Variants in RPTOR observed in about 807,000 individuals in gnomAD.
RPTOR encodes the protein regulatory-associated protein of mTOR.
In RPTOR, 21 loss-of-function variants were observed where a neutral mutation model predicts 169.9. The ratio of observed to expected loss-of-function variants is 0.12; its 90% CI spans 0.09 to 0.18. RPTOR has a LOEUF of 0.18. Ranked by LOEUF, RPTOR falls within the 10% of genes least tolerant of loss-of-function variation. RPTOR has a pLI of 1.00. For synonymous variants in RPTOR, 732 were observed against 753.2 expected (o/e 0.97, Z 0.46); for missense variants, 1,133 against 1,855.9 (o/e 0.61, Z 7.16).
intron 3 of RPTOR, among the ~76,000 whole-genome samples, chr17:80,688,108 A>G (rs1025255891): frequency 3.3e-5 from 5 of 152,190 alleles, no homozygotes; most frequent in African/African-American, 1.2e-4. Flanking sequence ...GGATGCTTTT[A>G]TTGATAAGTA....
intron 11 of RPTOR, among the ~76,000 whole-genome samples, chr17:80,847,175 A>G (rs939502839): frequency 4.6e-5 from 7 of 152,262 alleles, no homozygotes; most frequent in African/African-American, 2.4e-5. Context: ...TGCTGTAACA[A>G]ATAGGCCCTT....
intron 9 of RPTOR, among the ~76,000 whole-genome samples, chr17:80,836,076 G>A (rs535971112): frequency 2.0e-4 from 31 of 152,102 alleles, no homozygotes; most frequent in Non-Finnish European, 3.8e-4. Context: ...AGAGCCACGC[G>A]CCCAGAGCCC....
chr17:80,683,817 C>T (rs562552215), intron 3 of RPTOR, among the ~76,000 whole-genome samples: 13 of 152,266 alleles, frequency 8.5e-5, no homozygotes, highest in South Asian at 8.3e-4. Flanking sequence ...CTTTCAGGCA[C>T]GACAAGGTGG....
At chr17:80,683,885 G>A (rs1598218511) in intron 3 of RPTOR, among the ~76,000 whole-genome samples, 1 of 152,128 alleles carries the variant, frequency 6.6e-6, no homozygotes, top group East Asian at 1.9e-4. Flanking sequence ...CGTTTCCAAG[G>A]AGCCCTGGTT....
At chr17:80,554,661 G>A (rs537795155) in intron 1 of RPTOR, among the ~76,000 whole-genome samples, 34 of 152,044 alleles carry the variant, frequency 2.2e-4, no homozygotes, top group African/African-American at 5.8e-4. Context: ...GGAGAATGGC[G>A]TGAACCCGGG....
At chr17:80,902,498 G>A (rs997354606) in intron 20 of RPTOR, among the ~76,000 whole-genome samples, 8 of 152,218 alleles carry the variant, frequency 5.3e-5, no homozygotes, top group South Asian at 2.1e-4. Context: ...GCATGATGTC[G>A]CCATTTTTAC....
At chr17:80,683,316 G>T (rs1482147859) in intron 3 of RPTOR, among the ~76,000 whole-genome samples, 1 of 152,198 alleles carries the variant, frequency 6.6e-6, no homozygotes, top group Non-Finnish European at 1.5e-5. Context: ...CAAGAGCAGG[G>T]CAAGCATCTG....
At chr17:80,774,379 C>A (rs1388743153) in intron 6 of RPTOR, 1 of 980,938 alleles carries the variant, frequency 1.0e-6, no homozygotes, top group Non-Finnish European at 1.2e-6. Context: ...AGAGTATTCT[C>A]CCTTATGGTG....
intron 11 of RPTOR, among the ~76,000 whole-genome samples, chr17:80,847,120 G>A (rs2067740738): frequency 6.6e-6 from 1 of 152,274 alleles, no homozygotes; most frequent in South Asian, 2.1e-4. Flanking sequence ...AGCACACACA[G>A]ATCCGGAAGC....
rs1410889508 is a variant in RPTOR at position 80,581,072 on chromosome 17, GT to G, written c.162+35282del. On this transcript the variant is annotated intron_variant, in intron 1 of 33. Coordinates refer to ENST00000306801, the MANE Select transcript of RPTOR (RefSeq NM_020761.3). Reference sequence around the variant, plus strand: ...CCTTTCCTATTCATCATTTTCGTCAGTGTGTTGGATACAGATTTGGAAGGCG... The same window carrying G: ...CCTTTCCTATTCATCATTTTCGTCAGGTGTTGGATACAGATTTGGAAGGCG... 2.0e-5 allele frequency among the ~76,000 whole-genome samples: 3 copies of G among 152,204 alleles called. 1 individual carries two copies. The highest frequency in any genetic ancestry group is 1.3e-4 in the Admixed American group (2 of 15,282).
chr17:80,953,107 C>T (rs937891241), intron 28 of RPTOR, among the ~76,000 whole-genome samples: 1 of 152,070 alleles, frequency 6.6e-6, no homozygotes, highest in African/African-American at 2.4e-5. Flanking sequence ...TCAGGTGATC[C>T]TCCCACCTTG....
At chr17:80,889,913 G>A (rs1303327764) in intron 17 of RPTOR, among the ~76,000 whole-genome samples, 1 of 121,260 alleles carries the variant, frequency 8.2e-6, no homozygotes, top group African/African-American at 3.1e-5. Flanking sequence ...CAGGATGTGC[G>A]GCCTCCGAGG....
intron 3 of RPTOR, among the ~76,000 whole-genome samples, chr17:80,687,828 C>T (rs550931461): frequency 2.6e-5 from 4 of 152,322 alleles, no homozygotes; most frequent in African/African-American, 9.6e-5. Context: ...GTGAGGCCGA[C>T]AGTGAGTTGT....
chr17:80,964,572 C>A lies in RPTOR; in HGVS notation c.*242C>A. ...TGGCTTCCCACTGAGCACCAGCATC[C>A]AGGTGCACCCCCGCGGCCACGGCGC... On this transcript the variant is annotated 3_prime_UTR_variant, in exon 34 of 34. Coordinates refer to ENST00000306801, the MANE Select transcript of RPTOR (RefSeq NM_020761.3). The A allele has an allele frequency of 1.7e-6, 1 of 573,124 alleles. No individual in the cohort carries two copies. Among genetic ancestry groups the A allele is most frequent in the Non-Finnish European group, 3.1e-6 (1 of 319,196 alleles). The allele number at this position is 573,124 out of a possible 1,614,324, so 35.5% of individuals were successfully genotyped here.
At chr17:80,769,058 A>G (rs2066816168) in intron 6 of RPTOR, among the ~76,000 whole-genome samples, 1 of 152,204 alleles carries the variant, frequency 6.6e-6, no homozygotes, top group Non-Finnish European at 1.5e-5. Flanking sequence ...CATTGTTGGA[A>G]CGCCAGAACC....
intron 11 of RPTOR, among the ~76,000 whole-genome samples, chr17:80,853,759 A>T (rs2067821173): frequency 6.6e-6 from 1 of 152,216 alleles, no homozygotes; most frequent in African/African-American, 2.4e-5. Context: ...CGGGTGGATC[A>T]CAAGGTCAGG....
At chr17:80,555,701 G>A (rs545550667) in intron 1 of RPTOR, among the ~76,000 whole-genome samples, 2 of 152,334 alleles carry the variant, frequency 1.3e-5, no homozygotes, top group South Asian at 4.1e-4. Context: ...TAAATCATTT[G>A]CATTGAACTG....
At chr17:80,949,240 C>T (rs572978734) in intron 27 of RPTOR, among the ~76,000 whole-genome samples, 20 of 152,190 alleles carry the variant, frequency 1.3e-4, no homozygotes, top group Non-Finnish European at 2.9e-4. Flanking sequence ...GCGACTCCTC[C>T]TGCTGGCTCG....
chr17:80,709,526 G>A (rs2066169305), intron 4 of RPTOR, among the ~76,000 whole-genome samples: 1 of 152,216 alleles, frequency 6.6e-6, no homozygotes, highest in South Asian at 2.1e-4. Flanking sequence ...GCAGATTCAT[G>A]CCACCGACCC....
Sources: allele counts gnomAD v4.1 joint callset (sites outside exome capture counted in the v4.1 genomes callset), GRCh38; gene constraint gnomAD v4.1.1; transcripts MANE v1.5; gene names NCBI Gene and HGNC (gene_info 2026-07-23, HGNC 2026-07-21).